The following MTFR1 variants were observed in gnomAD, a reference collection of about 807,000 sequenced individuals.
MTFR1 encodes the protein chondrocyte protein with a poly-proline region.
Under a neutral mutation model 38.8 loss-of-function variants are expected in MTFR1, and 28 were observed. That is an observed-to-expected ratio of 0.72 (90% CI 0.53 to 0.99). The LOEUF (loss-of-function observed/expected upper bound fraction) is 0.99. Among genes scored for constraint, MTFR1 ranks in the 50% least tolerant of loss-of-function variants. MTFR1 has a pLI of 0.00. For missense variants in MTFR1, 358 were observed against 395.5 expected (o/e 0.91, Z 0.81); for synonymous variants, 145 against 137.0 (o/e 1.06, Z -0.41).
intron 3 of MTFR1, among the ~76,000 whole-genome samples, chr8:65,732,975 G>A (rs1806962060): frequency 6.6e-6 from 1 of 152,032 alleles, no homozygotes. Context: ...CTCCCAAAGT[G>A]CAGAACTACA....
At chr8:65,697,034 G>A (rs1162544350) in intron 4 of MTFR1, among the ~76,000 whole-genome samples, 1 of 146,794 alleles carries the variant, frequency 6.8e-6, no homozygotes, top group Non-Finnish European at 1.5e-5. Context: ...ACCCAGGCTG[G>A]AGTGCAGTAG....
intron 3 of MTFR1, among the ~76,000 whole-genome samples, chr8:65,685,489 T>A (rs1359117217): frequency 6.6e-6 from 1 of 152,212 alleles, no homozygotes; most frequent in Non-Finnish European, 1.5e-5. Context: ...TTTCTTGGAC[T>A]GCAAGGAGTG....
intron 1 of MTFR1, among the ~76,000 whole-genome samples, chr8:65,645,692 T>TCCCC (rs1554544273): frequency 7.2e-5 from 6 of 83,172 alleles, no homozygotes; most frequent in Admixed American, 1.5e-4. Flanking sequence ...CGCCCGGCTT[T>TCCCC]CCCCCCCCCC....
chr8:65,695,158 T>A (rs1442431504), intron 4 of MTFR1, among the ~76,000 whole-genome samples: 1 of 152,084 alleles, frequency 6.6e-6, no homozygotes, highest in Non-Finnish European at 1.5e-5. Flanking sequence ...AACTAGGAGA[T>A]GATCAGAATT....
At chr8:65,721,653 T>C (rs185153924) in intron 3 of MTFR1, 1 of 152,330 alleles carries the variant, frequency 6.6e-6, no homozygotes, top group East Asian at 1.9e-4. Flanking sequence ...TGTTACCTTA[T>C]AAAAATTACA....
At chr8:65,763,107 AATTAG>A (rs1478321955) in intron 3 of MTFR1, among the ~76,000 whole-genome samples, 12 of 152,048 alleles carry the variant, frequency 7.9e-5, no homozygotes, top group Admixed American at 3.9e-4. Context: ...GTAATCTAAA[AATTAG>A]ATTAATGTTA....
chr8:65,724,505 A>G (rs897653390), intron 3 of MTFR1, among the ~76,000 whole-genome samples: 1 of 152,216 alleles, frequency 6.6e-6, no homozygotes, highest in African/African-American at 2.4e-5. Flanking sequence ...TTATGAGAAT[A>G]AAATGCTATT....
intron 4 of MTFR1, among the ~76,000 whole-genome samples, chr8:65,702,490 G>T (rs1585795971): frequency 6.6e-6 from 1 of 151,802 alleles, no homozygotes; most frequent in East Asian, 1.9e-4. Flanking sequence ...AGTAGAGATG[G>T]GGTTTCACCA....
chr8:65,702,982 A>G (rs1052457826), intron 4 of MTFR1, among the ~76,000 whole-genome samples: 6 of 152,344 alleles, frequency 3.9e-5, no homozygotes, highest in African/African-American at 1.4e-4. Context: ...TAAACAAAAT[A>G]TAACCAAAAC....
intron 3 of MTFR1, among the ~76,000 whole-genome samples, chr8:65,738,415 A>C (rs1807247849): frequency 6.6e-6 from 1 of 152,178 alleles, no homozygotes; most frequent in Non-Finnish European, 1.5e-5. Context: ...CTTTCTCAGA[A>C]GTTCTCCTAT....
downstream of MTFR1, among the ~76,000 whole-genome samples, chr8:65,713,855 TG>T (rs1367135480): frequency 6.6e-6 from 1 of 151,910 alleles, no homozygotes; most frequent in African/African-American, 2.4e-5. Context: ...GGCTAATTTT[TG>T]TATTTTTTTT....
intron 1 of MTFR1, among the ~76,000 whole-genome samples, chr8:65,647,321 G>GT (rs958910783): frequency 4.6e-5 from 7 of 151,926 alleles, no homozygotes; most frequent in Admixed American, 1.3e-4. Flanking sequence ...TTTTGTTTCT[G>GT]TTTTTTTTGA....
At chr8:65,703,688 G>A (rs1183039416) in intron 4 of MTFR1, among the ~76,000 whole-genome samples, 2 of 151,782 alleles carry the variant, frequency 1.3e-5, no homozygotes, top group Non-Finnish European at 2.9e-5. Context: ...ACCCACCTTG[G>A]GCTCCCAAAG....
intron 2 of MTFR1, among the ~76,000 whole-genome samples, chr8:65,677,594 C>T (rs181161993): frequency 1.7e-4 from 26 of 151,218 alleles, no homozygotes; most frequent in Non-Finnish European, 3.2e-4. Flanking sequence ...GTTACCCAGG[C>T]TGGTCTTGAA....
chr8:65,669,599 T>TG (rs989486249), intron 1 of MTFR1, among the ~76,000 whole-genome samples: 2 of 151,868 alleles, frequency 1.3e-5, no homozygotes, highest in East Asian at 3.9e-4. Context: ...TCACCCAGGC[T>TG]GGAGTACAAT....
chr8:65,683,266 G>A (rs574805073), intron 3 of MTFR1, among the ~76,000 whole-genome samples: 1 of 151,420 alleles, frequency 6.6e-6, no homozygotes, highest in African/African-American at 2.4e-5. Context: ...CAAGTAGCTG[G>A]GACTACAGGT....
At chr8:65,738,235 G>A (rs918849092) in intron 3 of MTFR1, among the ~76,000 whole-genome samples, 2 of 151,704 alleles carry the variant, frequency 1.3e-5, no homozygotes, top group South Asian at 2.1e-4. Context: ...TCATTAAGTT[G>A]TAATCTTTTT....
intron 2 of MTFR1, among the ~76,000 whole-genome samples, chr8:65,673,722 T>C (rs1804631128): frequency 6.6e-6 from 1 of 151,464 alleles, no homozygotes; most frequent in African/African-American, 2.4e-5. Flanking sequence ...GCCAATATGG[T>C]GAAACCCCAT....
chr8:65,654,828 C>G (rs982986397), intron 1 of MTFR1, among the ~76,000 whole-genome samples: 3 of 152,186 alleles, frequency 2.0e-5, no homozygotes, highest in Non-Finnish European at 2.9e-5. Flanking sequence ...TCTCCTGCCT[C>G]AGCCTCCCAA....
Sources: gnomAD v4.1 joint callset for allele counts (sites outside exome capture counted in the v4.1 genomes callset) on GRCh38, gnomAD v4.1.1 for gene constraint, MANE v1.5 for transcripts, NCBI Gene and HGNC (gene_info 2026-07-23, HGNC 2026-07-21) for gene names.